Variants in SSBP3 observed in about 807,000 individuals in gnomAD.
SSBP3 encodes the protein single stranded DNA binding protein 3.
A neutral mutation model predicts 69.6 loss-of-function variants in SSBP3; 5 were observed. The observed-to-expected ratio is 0.07, with a 90% CI of 0.04 to 0.15. The LOEUF is 0.15. Ranked by LOEUF, SSBP3 falls within the 10% of genes least tolerant of loss-of-function variation. The pLI, the probability that SSBP3 is intolerant of heterozygous loss-of-function variation, is 1.00. For missense variants in SSBP3, 312 were observed against 534.0 expected (o/e 0.58, Z 4.10); for synonymous variants, 196 against 193.4 (o/e 1.01, Z -0.11).
chr1:54,394,086 C>T (rs1318705763), intron 4 of SSBP3, among the ~76,000 whole-genome samples: 3 of 152,158 alleles, frequency 2.0e-5, no homozygotes, highest in Admixed American at 2.0e-4. Context: ...CCCCATTTTC[C>T]ACCCGAGGAA....
intron 4 of SSBP3, among the ~76,000 whole-genome samples, chr1:54,324,878 G>A (rs1299242547): frequency 1.3e-5 from 2 of 152,076 alleles, no homozygotes; most frequent in East Asian, 1.9e-4. Flanking sequence ...CAAGATACAC[G>A]GCCTGACATG....
intron 15 of SSBP3, 91 bp downstream of exon 15, chr1:54,228,657 G>T: frequency 1.3e-6 from 2 of 1,503,406 alleles, no homozygotes; most frequent in Non-Finnish European, 9.0e-7. Context: ...GCCGGCCAGG[G>T]CTCTGTACCA....
chr1:54,367,475 T>C (rs1404416069), intron 4 of SSBP3, among the ~76,000 whole-genome samples: 1 of 152,216 alleles, frequency 6.6e-6, no homozygotes. Flanking sequence ...GAAAAGCATC[T>C]GAATCTGTCA....
intron 9 of SSBP3, among the ~76,000 whole-genome samples, chr1:54,247,702 A>C (rs1644757897): frequency 6.6e-6 from 1 of 152,136 alleles, no homozygotes; most frequent in Admixed American, 6.5e-5. Flanking sequence ...AACAACAACA[A>C]GTCGGTGGCT....
intron 5 of SSBP3, among the ~76,000 whole-genome samples, chr1:54,264,668 A>T (rs1359426407): frequency 6.6e-6 from 1 of 152,198 alleles, no homozygotes; most frequent in African/African-American, 2.4e-5. Context: ...ATAGGCTATG[A>T]TTCTCTCACG....
In SSBP3 at chr1:54,405,937, G is replaced by T; in HGVS notation, c.56+16C>A. On this transcript the variant is annotated intron_variant, in intron 1 of 17. Coordinates refer to ENST00000610401, the Ensembl canonical transcript of SSBP3. ...CCCGGCGGCGGCGCGGCCGCCACTT[G>T]CAAAATAGGGCTTACTTTTCCCGAG... is the stretch of plus-strand genomic sequence containing the variant. 5.6e-6 allele frequency: 7 copies of T among 1,253,618 alleles called. No homozygotes were observed. Among genetic ancestry groups the T allele is most frequent in the Non-Finnish European group, 7.2e-6 (7 of 975,914 alleles). 77.7% of individuals were successfully genotyped at this position (1,253,618 alleles called of 1,614,324 possible). A position where few individuals can be genotyped will look rare whatever the true frequency, so the allele number is the denominator to read the frequency against.
chr1:54,393,516 G>A (rs540688233), intron 4 of SSBP3, among the ~76,000 whole-genome samples: 1 of 152,268 alleles, frequency 6.6e-6, no homozygotes, highest in South Asian at 2.1e-4. Context: ...CAGGCCGGGT[G>A]TAGTGGCTCA....
At chr1:54,319,949 G>A (rs1381355683) in intron 4 of SSBP3, among the ~76,000 whole-genome samples, 2 of 152,122 alleles carry the variant, frequency 1.3e-5, no homozygotes, top group African/African-American at 2.4e-5. Context: ...CAGACTTCAC[G>A]ATTTTTCAAG....
Position 54,392,973 on chromosome 1 carries a change from A to G in SSBP3, c.276+8888T>C, listed in dbSNP as rs565099868. Among the ~76,000 whole-genome samples, 16 of 152,342 alleles carry G rather than the reference A, an allele frequency of 1.1e-4. No homozygotes were observed. In the South Asian group the frequency reaches 3.3e-3, roughly 32 times the overall value. On this transcript the variant is annotated intron_variant, in intron 4 of 17. Transcript: ENST00000610401. ...TGGCAGGCCTGGTGGAGGCAGCCAC[A>G]TTCCAGGCTAGCATTGGCTCTACAG...
intron 4 of SSBP3, among the ~76,000 whole-genome samples, chr1:54,360,077 A>G (rs1304727917): frequency 6.6e-6 from 1 of 152,260 alleles, no homozygotes. Context: ...AAGAATACAT[A>G]TTAAAAACAA....
intron 5 of SSBP3, among the ~76,000 whole-genome samples, chr1:54,273,154 C>T (rs1034920999): frequency 2.9e-4 from 44 of 152,360 alleles, no homozygotes; most frequent in African/African-American, 9.1e-4. Flanking sequence ...GAGCAAATCT[C>T]CCAGGCGCTG....
chr1:54,242,916 C>CT (rs1644666083), intron 10 of SSBP3: 1 of 257,778 alleles, frequency 3.9e-6, no homozygotes, highest in African/African-American at 2.2e-5. Context: ...TGCCACTGTA[C>CT]TCCAGCCTGG....
chr1:54,339,769 C>T (rs779981919), intron 4 of SSBP3, among the ~76,000 whole-genome samples: 14 of 152,134 alleles, frequency 9.2e-5, no homozygotes, highest in East Asian at 1.9e-4. Flanking sequence ...AAAAATTAGC[C>T]GGGCATGTTG....
At chr1:54,237,872 A>G in intron 14 of SSBP3, 1 of 337,392 alleles carries the variant, frequency 3.0e-6, no homozygotes, top group South Asian at 2.5e-5. Context: ...ATCCATGGTG[A>G]ATCACAAGTC....
chr1:54,408,583 T>A (rs1290612681), upstream of SSBP3, among the ~76,000 whole-genome samples: 1 of 152,232 alleles, frequency 6.6e-6, no homozygotes, highest in East Asian at 1.9e-4. Flanking sequence ...TCAACCAGAT[T>A]GGCCATGCCC....
At position 54,258,742 on chromosome 1, in the gene SSBP3, A is replaced by G. The variant is rs187292337; in HGVS notation, c.367-593T>C. On this transcript the variant is annotated intron_variant, in intron 5 of 17. Transcript: ENST00000610401. The surrounding 1 kb of genome is among the most constrained non-coding windows in gnomAD (Gnocchi z 4.5). ...GATAAACAACAGAGGCAAGAGGAGC[A>G]AGGGGCACCACAGATGTAACACACA... Among the ~76,000 whole-genome samples the G allele has an allele frequency of 1.3e-4, 20 of 152,284 alleles. No individual in the cohort carries two copies. The highest frequency in any genetic ancestry group is 2.8e-4 in the Non-Finnish European group (19 of 68,014).
chr1:54,412,567 T>TTG, intron 1 of SSBP3: 2 of 152,232 alleles, frequency 1.3e-5, no homozygotes. Flanking sequence ...TAGCGTTTAA[T>TTG]GATAATAGAG....
At position 54,258,536 on chromosome 1, in the gene SSBP3, G is replaced by T. The variant is rs1276511248; in HGVS notation, c.367-387C>A. Among the ~76,000 whole-genome samples, 1 of 152,212 alleles carries T rather than the reference G, an allele frequency of 6.6e-6. No individual in the cohort carries two copies. Among genetic ancestry groups the T allele is most frequent in the African/African-American group, 2.4e-5 (1 of 41,446 alleles). On this transcript the variant is annotated intron_variant, in intron 5 of 17. Coordinates refer to ENST00000610401, the Ensembl canonical transcript of SSBP3. The surrounding 1 kb of genome is among the most constrained non-coding windows in gnomAD (Gnocchi z 4.5). ...ACAGACACAGGGACCCAGGTGCAAA[G>T]CACGTAGGTGCCGCTTGCACGGGAG...
At chr1:54,303,616 T>C (rs184172527) in intron 4 of SSBP3, among the ~76,000 whole-genome samples, 1 of 152,150 alleles carries the variant, frequency 6.6e-6, no homozygotes, top group East Asian at 1.9e-4. Context: ...ATTAAACAGG[T>C]CCACCATGCT....
Sources: allele counts gnomAD v4.1 joint callset (sites outside exome capture counted in the v4.1 genomes callset), GRCh38; gene constraint gnomAD v4.1.1; non-coding constraint Gnocchi (gnomAD v3.1); transcripts MANE v1.5; gene names NCBI Gene and HGNC (gene_info 2026-07-23, HGNC 2026-07-21).